PAPPA2: variants seen among roughly 807,000 people sequenced by gnomAD.
PAPPA2 encodes pappalysin-2.
Under a neutral mutation model 176.4 loss-of-function variants are expected in PAPPA2, and 86 were observed. The observed-to-expected ratio is 0.49, with a 90% CI of 0.41 to 0.58. PAPPA2 has a LOEUF of 0.58. Among genes scored for constraint, PAPPA2 ranks in the 20% least tolerant of loss-of-function variants. PAPPA2 has a pLI of 0.00. For missense variants in PAPPA2, 2,073 were observed against 2,256.9 expected (o/e 0.92, Z 1.65); for synonymous variants, 809 against 852.2 (o/e 0.95, Z 0.88).
chr1:176,585,753 G>C (rs1202467220), intron 2 of PAPPA2, among the ~76,000 whole-genome samples: 1 of 151,452 alleles, frequency 6.6e-6, no homozygotes, highest in Admixed American at 6.6e-5. Flanking sequence ...TCTTCTACTT[G>C]GTCTAATCTG....
intron 21 of PAPPA2, among the ~76,000 whole-genome samples, chr1:176,836,351 G>A (rs537398441): frequency 6.6e-6 from 1 of 152,224 alleles, no homozygotes. Flanking sequence ...AATAAAATAG[G>A]ATTCAGTCCC....
chr1:176,539,611 G>A (rs555477109), intron 1 of PAPPA2, among the ~76,000 whole-genome samples: 31 of 152,220 alleles, frequency 2.0e-4, no homozygotes, highest in Non-Finnish European at 4.0e-4. Flanking sequence ...CTCCAGCTGA[G>A]TGTCATGTGA....
Position 176,608,524 on chromosome 1 carries a change from G to A in PAPPA2, c.1991+12929G>A, listed in dbSNP as rs115899058. The stretch of plus-strand genomic sequence containing the variant: ...ACAATTCTCAGGGAAAATTTTCCCC[G>A]TGTTTTGGGTCAAGGCCAAGGAATA... On this transcript the variant is annotated intron_variant, in intron 3 of 22. Coordinates refer to ENST00000367662, the MANE Select transcript of PAPPA2 (RefSeq NM_020318.3). 3.6e-3 allele frequency among the ~76,000 whole-genome samples: 548 copies of A among 152,238 alleles called. 4 individuals are homozygous for A. Among genetic ancestry groups the A allele is most frequent in the African/African-American group, 0.013 (531 of 41,532 alleles).
intron 3 of PAPPA2, among the ~76,000 whole-genome samples, chr1:176,670,404 G>C (rs1439293051): frequency 6.6e-6 from 1 of 152,130 alleles, no homozygotes; most frequent in African/African-American, 2.4e-5. Context: ...CTATACAATT[G>C]TTATGCCTTG....
chr1:176,642,854 G>A (rs1174170500), intron 3 of PAPPA2, among the ~76,000 whole-genome samples: 1 of 151,956 alleles, frequency 6.6e-6, no homozygotes, highest in Admixed American at 6.6e-5. Flanking sequence ...ATATGTGCAA[G>A]CATTAGTCTT....
At chr1:176,563,598 A>G (rs1176610930) in intron 2 of PAPPA2, among the ~76,000 whole-genome samples, 2 of 152,198 alleles carry the variant, frequency 1.3e-5, no homozygotes, top group East Asian at 1.9e-4. Context: ...CACAAAGCCC[A>G]AAATATTTAC....
chr1:176,808,354 A>G (rs1481228948), intron 21 of PAPPA2, among the ~76,000 whole-genome samples: 1 of 152,156 alleles, frequency 6.6e-6, no homozygotes, highest in Non-Finnish European at 1.5e-5. Flanking sequence ...ATTAATTCAT[A>G]TGCTGGCAAA....
At position 176,556,648 on chromosome 1, in the gene PAPPA2, C is replaced by A. The variant is rs199877001; in HGVS notation, c.326C>A (p.Pro109Gln). ...TEGNAVSLVPPDLTENPAGLR... is the reference protein window; with the variant it reads ...TEGNAVSLVPQDLTENPAGLR... ...GGAAATGCTGTGAGCCTTGTTCCCC[C>A]AGACCTGACTGAAAATCCAGCAGGA... Residue 109 changes from proline (P) to glutamine (Q), a missense_variant, in exon 2 of 23, where the codon CCA becomes CAA. By Grantham distance (76) the Pro-to-Gln change is moderately conservative (BLOSUM62 -1). This residue lies in a region of PAPPA2 where 1,196 missense variants were observed against 1,330.4 expected (regional missense o/e 0.90). Transcript: ENST00000367662. The A allele has an allele frequency of 3.1e-6, 5 of 1,614,168 alleles. No homozygotes were observed. Among genetic ancestry groups the A allele is most frequent in the South Asian group, 2.2e-5 (2 of 91,088 alleles).
chr1:176,799,252 G>T (rs1178181464), intron 20 of PAPPA2, among the ~76,000 whole-genome samples: 1 of 151,998 alleles, frequency 6.6e-6, no homozygotes, highest in East Asian at 1.9e-4. Flanking sequence ...TATTCTTTGA[G>T]AATTTTAAAC....
intron 1 of PAPPA2, among the ~76,000 whole-genome samples, chr1:176,467,090 C>G (rs1272312971): frequency 3.3e-5 from 5 of 152,112 alleles, no homozygotes; most frequent in Admixed American, 6.5e-5. Flanking sequence ...ACTGTATAGT[C>G]TACTATATAC....
Position 176,556,367 on chromosome 1 carries a change from T to A in PAPPA2, c.45T>A (p.Ala15=). 6.2e-7 allele frequency: 1 copy of A among 1,614,200 alleles called. No individual in the cohort carries two copies. Among genetic ancestry groups the A allele is most frequent in the Non-Finnish European group, 8.5e-7 (1 of 1,180,038 alleles). Residue 15 remains alanine (A), a synonymous_variant, in exon 2 of 23, where the codon GCT becomes GCA. Transcript: ENST00000367662. ...KILRISLAIL[A]GWALCSANSE... The stretch of plus-strand genomic sequence containing the variant: ...TAAGAATAAGCCTGGCGATTTTGGC[T>A]GGGTGGGCACTCTGTTCTGCCAACT...
At chr1:176,756,666 T>A (rs1184481958) in intron 14 of PAPPA2, among the ~76,000 whole-genome samples, 7 of 152,220 alleles carry the variant, frequency 4.6e-5, no homozygotes, top group Admixed American at 4.6e-4. Context: ...AATGTAAATC[T>A]GTTTCTCTTC....
intron 1 of PAPPA2, among the ~76,000 whole-genome samples, chr1:176,538,468 C>T (rs1298559625): frequency 6.6e-6 from 1 of 152,210 alleles, no homozygotes; most frequent in Non-Finnish European, 1.5e-5. Context: ...ACATCAGAAT[C>T]ATGCCAAGGT....
intron 21 of PAPPA2, among the ~76,000 whole-genome samples, chr1:176,836,432 C>G (rs1667272876): frequency 6.6e-6 from 1 of 152,194 alleles, no homozygotes; most frequent in Non-Finnish European, 1.5e-5. Flanking sequence ...TGCAGAAGTT[C>G]TAAAGTCCAA....
At chr1:176,663,905 A>G (rs768544556) in intron 3 of PAPPA2, among the ~76,000 whole-genome samples, 1 of 152,044 alleles carries the variant, frequency 6.6e-6, no homozygotes, top group Non-Finnish European at 1.5e-5. Context: ...CGAGTTATCT[A>G]TTTTTATCCT....
chr1:176,531,747 G>T (rs186034645), intron 1 of PAPPA2, among the ~76,000 whole-genome samples: 73 of 152,254 alleles, frequency 4.8e-4, no homozygotes, highest in African/African-American at 1.7e-3. Context: ...CAGATCCCCA[G>T]GATTCTCTTC....
At position 176,666,559 on chromosome 1, in the gene PAPPA2, ATATGTGTG is replaced by A. The variant is rs1375653347; in HGVS notation, c.1992-4409_1992-4402del. 2.2e-3 allele frequency among the ~76,000 whole-genome samples: 266 copies of A among 123,300 alleles called. 1 individual carries two copies. Among genetic ancestry groups the A allele is most frequent in the African/African-American group, 7.6e-3 (211 of 27,928 alleles). 80.9% of individuals were successfully genotyped at this position (123,300 alleles called of 152,430 possible). On this transcript the variant is annotated intron_variant, in intron 3 of 22. Coordinates refer to ENST00000367662, the MANE Select transcript of PAPPA2 (RefSeq NM_020318.3). The stretch of plus-strand genomic sequence containing the variant: ...TACAAATAGGTAAGGAAGTAAATAT[ATATGTGTG>A]TGTGTGTGTGTGTGTGTGTGTGTGT...
At chr1:176,469,880 C>T (rs535088245) in intron 1 of PAPPA2, among the ~76,000 whole-genome samples, 5 of 152,278 alleles carry the variant, frequency 3.3e-5, no homozygotes, top group African/African-American at 7.2e-5. Flanking sequence ...CTCACTCTAA[C>T]GTGTGAAATG....
chr1:176,793,240 T>C (rs576026247), intron 19 of PAPPA2, among the ~76,000 whole-genome samples: 18 of 152,272 alleles, frequency 1.2e-4, no homozygotes, highest in Middle Eastern at 3.4e-3. Context: ...GGAGGCCAGC[T>C]GGGCCAAGAG....
Sources: allele counts gnomAD v4.1 joint callset (sites outside exome capture counted in the v4.1 genomes callset), GRCh38; gene constraint gnomAD v4.1.1; regional missense constraint gnomAD v4.1.1; transcripts MANE v1.5; gene names NCBI Gene and HGNC (gene_info 2026-07-23, HGNC 2026-07-21).